STAU2: variants seen among roughly 807,000 people sequenced by gnomAD.
The protein encoded by STAU2 is staufen double-stranded RNA binding protein 2.
STAU2 carries 20 observed loss-of-function variants against 65.9 expected under a neutral mutation model. The observed-to-expected ratio is 0.30, with a 90% CI of 0.21 to 0.44. The LOEUF (loss-of-function observed/expected upper bound fraction) is 0.44, where lower values mean the gene tolerates loss of function less well. Among genes scored for constraint, STAU2 ranks in the 20% least tolerant of loss-of-function variants. STAU2 has a pLI of 1.00. For missense variants in STAU2, 558 were observed against 683.9 expected, an observed-to-expected ratio of 0.82 and a Z score of 2.05; for synonymous variants, 232 against 233.9, an observed-to-expected ratio of 0.99 and a Z score of 0.07.
At chr8:73,719,510 G>A (rs530406880) in intron 3 of STAU2, among the ~76,000 whole-genome samples, 13 of 152,294 alleles carry the variant, frequency 8.5e-5, no homozygotes, top group Non-Finnish European at 1.8e-4. Context: ...AGTTTGCTGA[G>A]AGTCTTTATG....
chr8:73,558,664 C>T (rs916621629), intron 12 of STAU2, among the ~76,000 whole-genome samples: 6 of 152,186 alleles, frequency 3.9e-5, no homozygotes, highest in African/African-American at 1.4e-4. Flanking sequence ...TATTAAAACA[C>T]AGCAAGCCAG....
rs543908890 is a variant in STAU2, at chr8:73,655,285, TTA to T, written c.410+17820_410+17821del. Among the ~76,000 whole-genome samples, 13 of 152,360 alleles carry T rather than the reference TTA, an allele frequency of 8.5e-5. No homozygotes were observed. The South Asian group carries it at 2.7e-3, about 32-fold the overall frequency. Reference sequence around the variant, plus strand: ...TAAATATTTACATTTTAAAATAAAATTATGTCACTCTTTTAAGTGTATCCAAA... The same window carrying T: ...TAAATATTTACATTTTAAAATAAAATTGTCACTCTTTTAAGTGTATCCAAA... On this transcript the variant is annotated intron_variant, in intron 6 of 14. Transcript: ENST00000524300.
intron 13 of STAU2, among the ~76,000 whole-genome samples, chr8:73,456,832 G>A (rs1819097927): frequency 6.6e-6 from 1 of 152,132 alleles, no homozygotes; most frequent in Non-Finnish European, 1.5e-5. Flanking sequence ...ACAGTACAGG[G>A]GCTGCTAGAT....
At chr8:73,746,203 C>G (rs1807262843) in intron 1 of STAU2, among the ~76,000 whole-genome samples, 2 of 152,056 alleles carry the variant, frequency 1.3e-5, no homozygotes, top group Admixed American at 1.3e-4. Context: ...CTAGCCCATT[C>G]TACAGAAATA....
chr8:73,669,277 A>G (rs536964588), intron 6 of STAU2, among the ~76,000 whole-genome samples: 92 of 152,326 alleles, frequency 6.0e-4, no homozygotes, highest in African/African-American at 1.7e-3. Flanking sequence ...GCAGAATATC[A>G]TAAAATAAAG....
At chr8:73,673,042 G>T in intron 6 of STAU2, 65 bp downstream of exon 6, 1 of 1,378,428 alleles carries the variant, frequency 7.3e-7, no homozygotes, top group Non-Finnish European at 9.6e-7. Context: ...TCTTTTGAGT[G>T]TGAGAAACTT....
intron 3 of STAU2, among the ~76,000 whole-genome samples, chr8:73,734,145 A>G (rs1806258020): frequency 6.6e-6 from 1 of 151,950 alleles, no homozygotes; most frequent in African/African-American, 2.4e-5. Context: ...AAAAATCTAG[A>G]AGTATACACC....
chr8:73,591,854 A>AAAACCC (rs1810799028), intron 11 of STAU2, among the ~76,000 whole-genome samples: 1 of 145,242 alleles, frequency 6.9e-6, no homozygotes. Context: ...AATGAAAGTA[A>AAAACCC]AAACCCATAC....
chr8:73,504,202 C>T (rs775949152), intron 13 of STAU2, among the ~76,000 whole-genome samples: 14 of 151,956 alleles, frequency 9.2e-5, no homozygotes, highest in African/African-American at 3.4e-4. Flanking sequence ...CAACCTACAG[C>T]GATATTAGCT....
intron 6 of STAU2, among the ~76,000 whole-genome samples, chr8:73,638,599 A>G (rs1318169732): frequency 6.6e-6 from 1 of 151,486 alleles, no homozygotes; most frequent in Non-Finnish European, 1.5e-5. Flanking sequence ...CTAAAGTTCT[A>G]GACTTAATAT....
intron 13 of STAU2, among the ~76,000 whole-genome samples, chr8:73,538,707 T>C (rs1806339209): frequency 6.7e-6 from 1 of 149,732 alleles, no homozygotes; most frequent in Admixed American, 6.7e-5. Context: ...CATAGGCCTA[T>C]GCATGAGAAT....
intron 5 of STAU2, chr8:73,675,337 A>C (rs1250685271): frequency 6.6e-6 from 1 of 150,628 alleles, no homozygotes; most frequent in Admixed American, 6.7e-5. Context: ...TGCATGAAAA[A>C]GTCTGAAAGA....
intron 4 of STAU2, among the ~76,000 whole-genome samples, chr8:73,702,867 T>C (rs75012065): frequency 0.028 from 4,259 of 152,182 alleles, 166 homozygotes; most frequent in African/African-American, 0.092. Flanking sequence ...TTAGAATGGC[T>C]AAAATTAGAA....
intron 12 of STAU2, among the ~76,000 whole-genome samples, chr8:73,568,654 T>C (rs908466473): frequency 2.6e-5 from 4 of 151,928 alleles, no homozygotes; most frequent in African/African-American, 9.7e-5. Context: ...GATAGTTAGA[T>C]GAACAGAGGA....
intron 6 of STAU2, among the ~76,000 whole-genome samples, chr8:73,642,426 G>A (rs1815057574): frequency 6.6e-6 from 1 of 152,120 alleles, no homozygotes; most frequent in Non-Finnish European, 1.5e-5. Flanking sequence ...ACGAGGCTGA[G>A]GTAGGAGAAT....
At chr8:73,436,442 T>G (rs1184158073) in intron 13 of STAU2, among the ~76,000 whole-genome samples, 1 of 151,762 alleles carries the variant, frequency 6.6e-6, no homozygotes, top group Non-Finnish European at 1.5e-5. Flanking sequence ...ACACGTATAT[T>G]TATCTATTTA....
chr8:73,577,292 G>A (rs1213842395), intron 12 of STAU2, among the ~76,000 whole-genome samples: 1 of 151,920 alleles, frequency 6.6e-6, no homozygotes, highest in East Asian at 1.9e-4. Flanking sequence ...GCCGGGCGTG[G>A]TGGCAGGCGC....
At chr8:73,722,924 T>C (rs1821785821) in intron 3 of STAU2, among the ~76,000 whole-genome samples, 1 of 152,018 alleles carries the variant, frequency 6.6e-6, no homozygotes, top group Admixed American at 6.6e-5. Context: ...AACAATGAAA[T>C]GAATGTGAGC....
intron 3 of STAU2, among the ~76,000 whole-genome samples, chr8:73,721,070 A>G (rs2130706856): frequency 6.8e-6 from 1 of 147,618 alleles, no homozygotes; most frequent in South Asian, 2.2e-4. Flanking sequence ...ACCTGAACCC[A>G]GGAGTTCTAG....
Sources: allele counts gnomAD v4.1 joint callset (sites outside exome capture counted in the v4.1 genomes callset), GRCh38; gene constraint gnomAD v4.1.1; transcripts MANE v1.5; gene names NCBI Gene and HGNC (gene_info 2026-07-23, HGNC 2026-07-21).